The following BABAM2 variants were observed in gnomAD, a reference collection of about 807,000 sequenced individuals.
The protein encoded by BABAM2 is BRISC and BRCA1 A complex member 2.
A neutral mutation model predicts 54.7 loss-of-function variants in BABAM2; 31 were observed. The observed-to-expected ratio is 0.57, with a 90% CI of 0.43 to 0.77. BABAM2 has a LOEUF of 0.77. BABAM2 is among the 30% of genes least tolerant of loss of function. The pLI, the probability that BABAM2 is intolerant of heterozygous loss-of-function variation, is 0.00. For synonymous variants in BABAM2, 167 were observed against 162.9 expected (o/e 1.03, Z -0.19); for missense variants, 364 against 455.8 (o/e 0.80, Z 1.83).
chr2:28,120,409 G>C (rs1668969072), intron 6 of BABAM2, among the ~76,000 whole-genome samples: 2 of 152,166 alleles, frequency 1.3e-5, no homozygotes. Context: ...CTGGTGCTGA[G>C]TCTCTTCTTT....
At chr2:28,131,807 C>T (rs1373970474) in intron 7 of BABAM2, among the ~76,000 whole-genome samples, 1 of 152,136 alleles carries the variant, frequency 6.6e-6, no homozygotes, top group Non-Finnish European at 1.5e-5. Context: ...CGTAGCCACT[C>T]ATTGTGTAAC....
intron 11 of BABAM2, chr2:28,310,257 TC>T: frequency 8.5e-7 from 1 of 1,178,008 alleles, no homozygotes; most frequent in Non-Finnish European, 1.2e-6. Flanking sequence ...ACAGCCCTCA[TC>T]CCAGAGGAAG....
chr2:28,256,969 A>G, intron 10 of BABAM2, among the ~76,000 whole-genome samples: 1 of 152,154 alleles, frequency 6.6e-6, no homozygotes, highest in Non-Finnish European at 1.5e-5. Context: ...TGCTGGGATT[A>G]CAGGCATGAG....
intron 4 of BABAM2, among the ~76,000 whole-genome samples, chr2:28,024,180 G>A (rs1244246004): frequency 5.9e-5 from 9 of 152,108 alleles, no homozygotes; most frequent in Admixed American, 5.9e-4. Flanking sequence ...CGAGGCGGGC[G>A]GATCATGAGG....
upstream of BABAM2, chr2:27,890,014 G>A (rs1664686537): frequency 2.4e-6 from 1 of 410,692 alleles, no homozygotes; most frequent in Non-Finnish European, 4.4e-6. This position sits in a 1 kb window ranked among gnomAD's most constrained non-coding sequence, Gnocchi z 4.8. Flanking sequence ...AGCGCTTTGA[G>A]TAATATTAGA....
intron 4 of BABAM2, chr2:28,016,484 G>A (rs760382633): frequency 3.9e-5 from 44 of 1,123,716 alleles, no homozygotes; most frequent in Non-Finnish European, 5.4e-5. Context: ...CTTGCCCATG[G>A]TGCTGGGCTG....
At chr2:28,310,158 GT>G in intron 11 of BABAM2, 1 of 1,613,342 alleles carries the variant, frequency 6.2e-7, no homozygotes, top group Non-Finnish European at 8.5e-7. Flanking sequence ...GCATAGGTCA[GT>G]GAGAACGTGT....
intron 7 of BABAM2, among the ~76,000 whole-genome samples, chr2:28,207,383 A>G (rs981835928): frequency 2.0e-5 from 3 of 151,850 alleles, no homozygotes; most frequent in African/African-American, 7.3e-5. Context: ...CTTCTGGGAA[A>G]AACAGCAGCA....
At chr2:28,219,201 G>T (rs1680173848) in intron 7 of BABAM2, among the ~76,000 whole-genome samples, 1 of 152,226 alleles carries the variant, frequency 6.6e-6, no homozygotes, top group African/African-American at 2.4e-5. Context: ...GTTGTTCAGA[G>T]AGTTCAGTCC....
intron 11 of BABAM2, among the ~76,000 whole-genome samples, chr2:28,315,745 G>A (rs1345965472): frequency 1.3e-5 from 2 of 151,300 alleles, no homozygotes; most frequent in Non-Finnish European, 2.9e-5. Flanking sequence ...CTCCCATCTT[G>A]ACCTCACAAA....
intron 6 of BABAM2, among the ~76,000 whole-genome samples, chr2:28,079,695 T>C (rs555369604): frequency 6.6e-6 from 1 of 152,262 alleles, no homozygotes; most frequent in Non-Finnish European, 1.5e-5. Context: ...ATTGTATGGA[T>C]TTACAGTGCT....
intron 2 of BABAM2, among the ~76,000 whole-genome samples, chr2:27,918,306 A>G (rs1422831809): frequency 6.6e-6 from 1 of 152,132 alleles, no homozygotes; most frequent in Non-Finnish European, 1.5e-5. Context: ...ACTACTTTAG[A>G]TACCTCATGT....
intron 7 of BABAM2, among the ~76,000 whole-genome samples, chr2:28,174,706 T>G (rs889226054): frequency 2.6e-5 from 4 of 152,144 alleles, no homozygotes; most frequent in Admixed American, 2.6e-4. Flanking sequence ...GAGACCATGC[T>G]AGGGAATTGG....
At chr2:28,101,737 T>C (rs1040675599) in intron 6 of BABAM2, among the ~76,000 whole-genome samples, 32 of 152,230 alleles carry the variant, frequency 2.1e-4, no homozygotes, top group African/African-American at 7.5e-4. Context: ...CATAGGTTCA[T>C]CTATATAGCT....
At chr2:27,961,246 A>G (rs1223062816) in intron 3 of BABAM2, among the ~76,000 whole-genome samples, 1 of 152,182 alleles carries the variant, frequency 6.6e-6, no homozygotes, top group Non-Finnish European at 1.5e-5. Context: ...ATGTGTTTTT[A>G]AGACAACAGA....
upstream of BABAM2, chr2:27,890,586 T>C (rs1297101848): frequency 2.0e-6 from 1 of 493,744 alleles, no homozygotes; most frequent in East Asian, 3.5e-5. This position sits in a 1 kb window ranked among gnomAD's most constrained non-coding sequence, Gnocchi z 4.8. Context: ...TCCGCGCTCC[T>C]CGTCACTCAC....
chr2:28,276,021 AG>A (rs201616413), intron 10 of BABAM2, among the ~76,000 whole-genome samples: 5,759 of 148,184 alleles, frequency 0.039, 259 homozygotes, highest in African/African-American at 0.12. Flanking sequence ...AAAAAAAAAA[AG>A]AAAGAAAGAA....
intron 7 of BABAM2, among the ~76,000 whole-genome samples, chr2:28,204,273 C>CA (rs1231548164): frequency 6.6e-6 from 1 of 152,010 alleles, no homozygotes; most frequent in African/African-American, 2.4e-5. Flanking sequence ...ATTTTTGTAC[C>CA]TTTCTAGAGA....
At chr2:28,165,999 C>T (rs940511340) in intron 7 of BABAM2, among the ~76,000 whole-genome samples, 5 of 151,978 alleles carry the variant, frequency 3.3e-5, no homozygotes, top group Non-Finnish European at 1.5e-5. Context: ...CAGAATGGGC[C>T]CTAACCCAAT....
Sources: allele counts gnomAD v4.1 joint callset (sites outside exome capture counted in the v4.1 genomes callset), GRCh38; gene constraint gnomAD v4.1.1; non-coding constraint Gnocchi (gnomAD v3.1); transcripts MANE v1.5; gene names NCBI Gene and HGNC (gene_info 2026-07-23, HGNC 2026-07-21).